NOVA1: variants seen among roughly 807,000 people sequenced by gnomAD.
NOVA1 encodes RNA-binding protein Nova-1.
In NOVA1, 7 loss-of-function variants were observed where a neutral mutation model predicts 38.0. The observed-to-expected ratio is 0.18, with a 90% CI of 0.10 to 0.35. The LOEUF is 0.35. NOVA1 is among the 10% of genes least tolerant of loss of function. The pLI is 1.00. For missense variants in NOVA1, 460 were observed against 616.0 expected, an observed-to-expected ratio of 0.75 and a Z score of 2.68; for synonymous variants, 270 against 232.5, an observed-to-expected ratio of 1.16 and a Z score of -1.47.
intron 2 of NOVA1, among the ~76,000 whole-genome samples, chr14:26,507,480 T>C (rs1391962525): frequency 1.3e-5 from 2 of 152,240 alleles, no homozygotes; most frequent in South Asian, 2.1e-4. Flanking sequence ...TTTTATGAAG[T>C]TGTCCAAAAC....
Position 26,579,756 on chromosome 14 carries a change from T to C in NOVA1, c.280+15654A>G, listed in dbSNP as rs1201335543. ...ATGGAAAGGAATAAAAAAAGTGGCC[T>C]CTGAAAGATACGTTTAGTAGAATTA... On this transcript the variant is annotated intron_variant, in intron 2 of 4. Coordinates refer to ENST00000539517, the MANE Select transcript of NOVA1 (RefSeq NM_002515.3). Among the ~76,000 whole-genome samples the C allele has an allele frequency of 3.9e-5, 6 of 152,094 alleles. No homozygotes were observed. In the East Asian group the frequency reaches 1.2e-3, roughly 29 times the overall value.
chr14:26,565,180 C>T (rs1892059205), intron 2 of NOVA1, among the ~76,000 whole-genome samples: 1 of 151,714 alleles, frequency 6.6e-6, no homozygotes, highest in Non-Finnish European at 1.5e-5. Context: ...CTTGACTTCA[C>T]TTCCTATCTA....
intron 2 of NOVA1, among the ~76,000 whole-genome samples, chr14:26,536,218 G>A (rs983564847): frequency 6.6e-6 from 1 of 151,612 alleles, no homozygotes; most frequent in African/African-American, 2.4e-5. Flanking sequence ...CGGAAGGGTG[G>A]TGGGCGGTTG....
intron 2 of NOVA1, among the ~76,000 whole-genome samples, chr14:26,483,530 A>G (rs1479448804): frequency 3.9e-5 from 6 of 152,242 alleles, no homozygotes; most frequent in Non-Finnish European, 8.8e-5. Context: ...AAAATTTTCA[A>G]TAAAAACATC....
chr14:26,503,793 A>C (rs1475185459), intron 2 of NOVA1, among the ~76,000 whole-genome samples: 5 of 152,052 alleles, frequency 3.3e-5, no homozygotes, highest in African/African-American at 1.2e-4. Flanking sequence ...AACCAAAATT[A>C]AATTTATAAC....
At chr14:26,474,111 T>TA (rs1191287847) in intron 3 of NOVA1, among the ~76,000 whole-genome samples, 3 of 152,010 alleles carry the variant, frequency 2.0e-5, no homozygotes, top group African/African-American at 7.2e-5. Context: ...TGGGAGGAGT[T>TA]AACATACATG....
chr14:26,540,202 GT>G (rs1393369646), intron 2 of NOVA1, among the ~76,000 whole-genome samples: 1 of 152,190 alleles, frequency 6.6e-6, no homozygotes, highest in East Asian at 1.9e-4. Context: ...TGAGCCACAG[GT>G]GAGCAAGCAT....
chr14:26,513,568 G>A (rs1190585139), intron 2 of NOVA1, among the ~76,000 whole-genome samples: 1 of 151,526 alleles, frequency 6.6e-6, no homozygotes, highest in African/African-American at 2.4e-5. Context: ...CAGTGCTTCT[G>A]AACAATGAAT....
At chr14:26,580,080 C>G (rs1446700110) in intron 2 of NOVA1, among the ~76,000 whole-genome samples, 1 of 150,140 alleles carries the variant, frequency 6.7e-6, no homozygotes, top group Non-Finnish European at 1.5e-5. Context: ...ATCTTACTAA[C>G]AGCAAAAAAA....
chr14:26,489,732 A>G (rs2138346171), intron 2 of NOVA1, among the ~76,000 whole-genome samples: 1 of 152,138 alleles, frequency 6.6e-6, no homozygotes, highest in Admixed American at 6.5e-5. Context: ...GCTACTTGGG[A>G]GGCTGAGGGT....
intron 3 of NOVA1, among the ~76,000 whole-genome samples, chr14:26,477,375 T>G (rs184061755): frequency 6.6e-6 from 1 of 152,274 alleles, no homozygotes; most frequent in Admixed American, 6.5e-5. Context: ...AAAAAATACA[T>G]ATATGAATTA....
chr14:26,561,064 A>G (rs963926253), intron 2 of NOVA1, among the ~76,000 whole-genome samples: 2 of 152,086 alleles, frequency 1.3e-5, no homozygotes, highest in African/African-American at 4.8e-5. Context: ...GGAGTGTGCA[A>G]CCTAGATCCT....
rs1285307173 is a variant in NOVA1, at chr14:26,443,785, A to C, written c.*4174T>G. On this transcript the variant is annotated 3_prime_UTR_variant, in exon 5 of 5. Transcript: ENST00000539517. ...GCAATTTTGTATGGCTGTTTGCCTC[A>C]GTTAAGTAACGTGTGTACATTAAAT... The C allele has an allele frequency of 6.6e-6, 1 of 152,058 alleles. No homozygotes were observed. The highest frequency in any genetic ancestry group is 1.5e-5 in the Non-Finnish European group (1 of 67,900). The allele number at this position is 152,058 out of a possible 1,614,324, so 9.4% of individuals were successfully genotyped here.
chr14:26,506,998 A>T (rs955152808), intron 2 of NOVA1, among the ~76,000 whole-genome samples: 8 of 152,184 alleles, frequency 5.3e-5, no homozygotes, highest in African/African-American at 1.9e-4. Flanking sequence ...AATTTCCTGA[A>T]TTTAATTTTC....
chr14:26,500,965 TCAG>T (rs1423227259), intron 2 of NOVA1, among the ~76,000 whole-genome samples: 3 of 151,954 alleles, frequency 2.0e-5, no homozygotes, highest in African/African-American at 4.8e-5. Flanking sequence ...ACAGTGCTCA[TCAG>T]CAGATTAAAA....
At chr14:26,561,990 G>T (rs575532774) in intron 2 of NOVA1, among the ~76,000 whole-genome samples, 3 of 152,216 alleles carry the variant, frequency 2.0e-5, no homozygotes, top group Non-Finnish European at 4.4e-5. Flanking sequence ...TCTGTTACCA[G>T]AAAAATTACT....
intron 4 of NOVA1, among the ~76,000 whole-genome samples, chr14:26,452,360 G>C (rs1882768664): frequency 6.6e-6 from 1 of 152,158 alleles, no homozygotes; most frequent in Admixed American, 6.5e-5. Context: ...CATTTTAAGT[G>C]TCGGGCCAGA....
At chr14:26,449,592 T>C (rs1882449329) in intron 4 of NOVA1, among the ~76,000 whole-genome samples, 1 of 152,156 alleles carries the variant, frequency 6.6e-6, no homozygotes, top group Non-Finnish European at 1.5e-5. Flanking sequence ...TATAACTTCA[T>C]AATAGTTATT....
intron 2 of NOVA1, among the ~76,000 whole-genome samples, chr14:26,491,025 T>C (rs1886300833): frequency 6.6e-6 from 1 of 151,942 alleles, no homozygotes; most frequent in African/African-American, 2.4e-5. Flanking sequence ...AATTTTTTTG[T>C]ATTTTTAGTA....
Sources: gnomAD v4.1 joint callset for allele counts (sites outside exome capture counted in the v4.1 genomes callset) on GRCh38, gnomAD v4.1.1 for gene constraint, MANE v1.5 for transcripts, NCBI Gene and HGNC (gene_info 2026-07-23, HGNC 2026-07-21) for gene names.